CFAP92: variants seen among roughly 807,000 people sequenced by gnomAD.
CFAP92 encodes the protein cilia and flagella associated protein 92 (putative).
Under a neutral mutation model 106.3 loss-of-function variants are expected in CFAP92, and 86 were observed. That is an observed-to-expected ratio of 0.81 (90% CI 0.68 to 0.97). The LOEUF (loss-of-function observed/expected upper bound fraction) is 0.97. Among genes scored for constraint, CFAP92 ranks in the 50% least tolerant of loss-of-function variants. The pLI is 0.00. For synonymous variants in CFAP92, 477 were observed against 506.4 expected (o/e 0.94, Z 0.78); for missense variants, 1,204 against 1,283.8 (o/e 0.94, Z 0.95).
chr3:128,932,890 G>C lies in CFAP92; in HGVS notation c.2561C>G (p.Pro854Arg). 6.5e-7 allele frequency: 1 copy of C among 1,536,152 alleles called. No homozygotes were observed. Among genetic ancestry groups the C allele is most frequent in the East Asian group, 2.4e-5 (1 of 40,910 alleles). ...IKDLSQEFGM[P>R]LSQEELTDEK... ...ATCTGTGAGTTCTTCTTGCGAAAGG[G>C]GCATCCCAAACTCTTGGCTCAAGTC... The change falls in exon 12 of 16, where the codon CCC becomes CGC. Residue 854 changes from proline (P) to arginine (R), a missense_variant. Coordinates refer to ENST00000645291, the MANE Select transcript of CFAP92 (RefSeq NM_001394090.1).
chr3:128,925,627 T>C (rs1382349780), intron 12 of CFAP92, among the ~76,000 whole-genome samples: 1 of 152,080 alleles, frequency 6.6e-6, no homozygotes, highest in African/African-American at 2.4e-5. Context: ...AAGATGAATA[T>C]AAGTAATATC....
intron 4 of CFAP92, among the ~76,000 whole-genome samples, chr3:128,983,895 G>T (rs976820315): frequency 6.6e-6 from 1 of 152,240 alleles, no homozygotes; most frequent in African/African-American, 2.4e-5. Flanking sequence ...GGGCAGCCAT[G>T]AACAGCTGCA....
rs374745110 is a variant in CFAP92, at chr3:128,987,165, G to GA, written c.667+450dup. 1.8e-3 allele frequency among the ~76,000 whole-genome samples: 278 copies of GA among 150,318 alleles called. 1 individual carries two copies. Among genetic ancestry groups the GA allele is most frequent in the African/African-American group, 6.4e-3 (261 of 41,022 alleles). The stretch of plus-strand genomic sequence containing the variant: ...GACAGAGCGAGACTCCATCTCGAAA[G>GA]AAAAAAAAAGACTTTCTGATATTGA... On this transcript the variant is annotated intron_variant, in intron 4 of 15. Coordinates refer to ENST00000645291, the MANE Select transcript of CFAP92 (RefSeq NM_001394090.1).
Position 128,915,142 on chromosome 3 carries a change from G to C in CFAP92, c.3257C>G (p.Ser1086Trp), listed in dbSNP as rs572274528. ...ACCTGTTACAGGCTTTGGTGCGGGC[G>C]AAGGGAGCAGCTCGAGGAAAGGTGG... Reference protein sequence around the residue: ...KPPPFLELLPSPAPKPVTVRK... With the variant: ...KPPPFLELLPWPAPKPVTVRK... Residue 1086 changes from serine to tryptophan, a missense_variant, in exon 15 of 16, where the codon TCG (serine) becomes TGG (tryptophan). By Grantham distance (177) the Ser-to-Trp change is radical (BLOSUM62 -3). Coordinates refer to ENST00000645291, the MANE Select transcript of CFAP92 (RefSeq NM_001394090.1). 1 of 1,536,016 alleles carries C rather than the reference G, an allele frequency of 6.5e-7. No homozygotes were observed. The highest frequency in any genetic ancestry group is 8.7e-7 in the Non-Finnish European group (1 of 1,146,940).
the CFAP92 span, among the ~76,000 whole-genome samples, chr3:129,013,772 C>T: frequency 8.5e-5 from 13 of 152,282 alleles, no homozygotes; most frequent in African/African-American, 2.4e-4. Flanking sequence ...TGGCCCTGCC[C>T]GACACATGGG....
chr3:128,942,899 C>T (rs1174925865), intron 10 of CFAP92, among the ~76,000 whole-genome samples: 1 of 131,634 alleles, frequency 7.6e-6, no homozygotes, highest in Non-Finnish European at 1.6e-5. Flanking sequence ...CAAAGCTGGT[C>T]TTGAACAAAA....
rs1329908448 is a variant in CFAP92, at chr3:128,974,946, C to A, written c.1021+833G>T. Reference sequence around the variant, plus strand: ...CGATCCTGGCTAACATGGTGAAACCCCGTCTCTAATAAAAACACAAAAAAT... The same window carrying A: ...CGATCCTGGCTAACATGGTGAAACCACGTCTCTAATAAAAACACAAAAAAT... On this transcript the variant is annotated intron_variant, in intron 7 of 15. Coordinates refer to ENST00000645291, the MANE Select transcript of CFAP92 (RefSeq NM_001394090.1). Among the ~76,000 whole-genome samples, 3 of 151,474 alleles carry A rather than the reference C, an allele frequency of 2.0e-5. No individual in the cohort carries two copies. In the East Asian group the frequency reaches 5.8e-4, roughly 29 times the overall value.
upstream of CFAP92, chr3:129,004,003 G>A: frequency 6.6e-7 from 1 of 1,505,898 alleles, no homozygotes; most frequent in Non-Finnish European, 8.8e-7. Context: ...TGCGAGAGCT[G>A]GAGGCGCTGG....
intron 12 of CFAP92, among the ~76,000 whole-genome samples, chr3:128,918,701 G>C (rs1381578852): frequency 1.3e-5 from 2 of 152,154 alleles, no homozygotes; most frequent in African/African-American, 4.8e-5. Flanking sequence ...TGTACAATTT[G>C]TCTTATAAAG....
chr3:129,002,211 C>A, intron 1 of CFAP92: 1 of 1,526,802 alleles, frequency 6.5e-7, no homozygotes, highest in Non-Finnish European at 8.8e-7. Context: ...CGACAGCGGT[C>A]CTGACTGTGA....
At chr3:128,932,679 T>G (rs1013410622) in intron 12 of CFAP92, 21 bp downstream of exon 12, 2 of 1,519,280 alleles carry the variant, frequency 1.3e-6, no homozygotes, top group Admixed American at 2.0e-5. Context: ...GAACCCCAAG[T>G]TGGGGAGGAA....
rs760493989 is a variant in CFAP92, at chr3:128,987,698, T to G, written c.585A>C (p.Lys195Asn). The G allele has an allele frequency of 1.5e-5, 25 of 1,613,918 alleles. No homozygotes were observed. Among genetic ancestry groups the G allele is most frequent in the Non-Finnish European group, 2.1e-5 (25 of 1,179,884 alleles). Residue 195 changes from lysine to asparagine, a missense_variant, in exon 4 of 16, where the codon AAA (lysine) becomes AAC (asparagine). Physicochemically the swap from Lys to Asn is moderately conservative, Grantham distance 94 (BLOSUM62 0). Transcript: ENST00000645291. ...ATCTGACTTTTCTTGACATCTTGTCTTTAGTGTTCCAGAGCCTCAAGGTGA... is the reference window on the plus strand; with the variant it reads ...ATCTGACTTTTCTTGACATCTTGTCGTTAGTGTTCCAGAGCCTCAAGGTGA... ...HKITLRLWNT[K>N]DKMSRKVRYY...
rs1431213634 is a variant in CFAP92 at position 128,988,070 on chromosome 3, C to T, written c.454-241G>A. Among the ~76,000 whole-genome samples, 6 of 152,306 alleles carry T rather than the reference C, an allele frequency of 3.9e-5. No individual in the cohort carries two copies. In the East Asian group the frequency reaches 9.6e-4, roughly 24 times the overall value. On this transcript the variant is annotated intron_variant, in intron 3 of 15. Coordinates refer to ENST00000645291, the MANE Select transcript of CFAP92 (RefSeq NM_001394090.1). ...AATTACCTGCAAATAGCATCCTCCT[C>T]GATTGCTTCTAAGCAATGACCCAGG...
chr3:128,915,069 G>A, intron 15 of CFAP92, 50 bp downstream of exon 15: 1 of 1,518,526 alleles, frequency 6.6e-7, no homozygotes, highest in Non-Finnish European at 8.8e-7. Flanking sequence ...CAGAGCTCCT[G>A]CCTGCCCACG....
intron 4 of CFAP92, among the ~76,000 whole-genome samples, chr3:128,984,135 G>A (rs1254001336): frequency 6.6e-6 from 1 of 152,188 alleles, no homozygotes; most frequent in Non-Finnish European, 1.5e-5. Flanking sequence ...GCTTTGAAAA[G>A]AATGCTGTCT....
chr3:128,924,445 T>TC (rs1293007288), intron 12 of CFAP92, among the ~76,000 whole-genome samples: 3 of 132,494 alleles, frequency 2.3e-5, no homozygotes, highest in Non-Finnish European at 4.7e-5. Flanking sequence ...TTTTTTTTTT[T>TC]TTTTTTTTTT....
At chr3:128,944,955 G>A (rs555101551) in intron 10 of CFAP92, 116 bp downstream of exon 10, 129 of 919,526 alleles carry the variant, frequency 1.4e-4, no homozygotes, top group South Asian at 1.2e-3. Context: ...AATGAACCCC[G>A]AAAGGAGACT....
chr3:128,989,697 A>AT (rs2107818816), intron 2 of CFAP92, among the ~76,000 whole-genome samples: 1 of 152,356 alleles, frequency 6.6e-6, no homozygotes, highest in East Asian at 1.9e-4. Flanking sequence ...ATATCATTCT[A>AT]TAAAAACATG....
At chr3:128,917,269 A>C (rs1307451214) in intron 12 of CFAP92, among the ~76,000 whole-genome samples, 3 of 152,070 alleles carry the variant, frequency 2.0e-5, no homozygotes, top group African/African-American at 4.8e-5. Flanking sequence ...TTAGTGGGGG[A>C]GTTGATCTGA....
Sources: allele counts gnomAD v4.1 joint callset (sites outside exome capture counted in the v4.1 genomes callset), GRCh38; gene constraint gnomAD v4.1.1; transcripts MANE v1.5; gene names NCBI Gene and HGNC (gene_info 2026-07-23, HGNC 2026-07-21).